FRMPD1: variants seen among roughly 807,000 people sequenced by gnomAD.
FRMPD1 encodes the protein FERM and PDZ domain-containing protein 1.
In FRMPD1, 76 loss-of-function variants were observed where a neutral mutation model predicts 117.8. That is an observed-to-expected ratio of 0.65 (90% confidence interval 0.54 to 0.78). The LOEUF (loss-of-function observed/expected upper bound fraction) is 0.78, where lower values mean the gene tolerates loss of function less well. Among genes scored for constraint, FRMPD1 ranks in the 30% least tolerant of loss-of-function variants. The probability of loss-of-function intolerance (pLI) is 0.00; values close to 1 mark genes in which losing one functional copy is unlikely to be tolerated. For missense variants in FRMPD1, 1,786 were observed against 1,964.5 expected, an observed-to-expected ratio of 0.91 and a Z score of 1.72; for synonymous variants, 783 against 770.4, an observed-to-expected ratio of 1.02 and a Z score of -0.27.
chr9:37,634,776 T>A, the FRMPD1 span, among the ~76,000 whole-genome samples: 31 of 151,352 alleles, frequency 2.0e-4, no homozygotes, highest in African/African-American at 5.8e-4. Flanking sequence ...TTTTTTTTTT[T>A]AAAAAGGGAT....
chr9:37,606,187 T>G, the FRMPD1 span, among the ~76,000 whole-genome samples: 1 of 152,134 alleles, frequency 6.6e-6, no homozygotes, highest in African/African-American at 2.4e-5. Context: ...TAGAGATGGT[T>G]GGATAAGAGA....
the FRMPD1 span, among the ~76,000 whole-genome samples, chr9:37,604,738 T>C: frequency 6.6e-6 from 1 of 152,170 alleles, no homozygotes; most frequent in Non-Finnish European, 1.5e-5. Context: ...GTCCTCAGCA[T>C]TGAAGTGGGC....
chr9:37,713,127 T>A (rs1224494784), intron 5 of FRMPD1, among the ~76,000 whole-genome samples: 5 of 152,170 alleles, frequency 3.3e-5, no homozygotes, highest in Non-Finnish European at 5.9e-5. Context: ...TCATTTGGAT[T>A]TAACAAAGTA....
chr9:37,725,278 G>C lies in FRMPD1; in HGVS notation c.612+958G>C, dbSNP rs575143207. Among the ~76,000 whole-genome samples, 16 of 152,302 alleles carry C rather than the reference G, an allele frequency of 1.1e-4. No homozygotes were observed. In the South Asian group the frequency reaches 2.1e-3, roughly 20 times the overall value. ...TAAATAGTGTTAGAGTGAGGCCGCAGTGAAGAAGCAAAGTTGTTCAAACAG... is the reference window on the plus strand; with the variant it reads ...TAAATAGTGTTAGAGTGAGGCCGCACTGAAGAAGCAAAGTTGTTCAAACAG... On this transcript the variant is annotated intron_variant, in intron 7 of 15. Transcript: ENST00000377765.
At chr9:37,688,593 A>G (rs1822028260) in intron 1 of FRMPD1, among the ~76,000 whole-genome samples, 1 of 152,136 alleles carries the variant, frequency 6.6e-6, no homozygotes. Context: ...TGCCATGAAT[A>G]AAGATTTTTA....
At chr9:37,644,137 G>T in the FRMPD1 span, among the ~76,000 whole-genome samples, 1 of 152,196 alleles carries the variant, frequency 6.6e-6, no homozygotes, top group South Asian at 2.1e-4. Context: ...TGACCCTGAA[G>T]GGATAGTTTG....
intron 5 of FRMPD1, among the ~76,000 whole-genome samples, chr9:37,712,622 C>T (rs1186545701): frequency 2.6e-5 from 4 of 152,226 alleles, no homozygotes; most frequent in Non-Finnish European, 5.9e-5. Flanking sequence ...TCCCAAAGTG[C>T]TGGGATTACA....
At chr9:37,692,149 ATACTT>A (rs1367421386) in intron 1 of FRMPD1, among the ~76,000 whole-genome samples, 3 of 152,238 alleles carry the variant, frequency 2.0e-5, no homozygotes, top group African/African-American at 7.2e-5. Context: ...TGTAAGTGAA[ATACTT>A]ATTCAAAAAT....
At chr9:37,726,382 A>G (rs1018724979) in intron 7 of FRMPD1, among the ~76,000 whole-genome samples, 2 of 152,200 alleles carry the variant, frequency 1.3e-5, no homozygotes, top group Admixed American at 6.5e-5. Context: ...AGGCATTTCT[A>G]TATCACCAAC....
chr9:37,660,476 C>A lies in FRMPD1; in HGVS notation c.-5+9382C>A, dbSNP rs539008332. Among the ~76,000 whole-genome samples, 5 of 152,290 alleles carry A rather than the reference C, an allele frequency of 3.3e-5. No individual in the cohort carries two copies. In the South Asian group the frequency reaches 1.0e-3, roughly 32 times the overall value. Reference sequence around the variant, plus strand: ...TGCACTGGAAGAAGCTCAGGTCTTACAGGGACCTTAAGGACCATCTAGTAA... The same window carrying A: ...TGCACTGGAAGAAGCTCAGGTCTTAAAGGGACCTTAAGGACCATCTAGTAA... On this transcript the variant is annotated intron_variant, in intron 1 of 15. Transcript: ENST00000377765.
intron 1 of FRMPD1, among the ~76,000 whole-genome samples, chr9:37,651,573 C>G (rs1820676874): frequency 6.6e-6 from 1 of 152,262 alleles, no homozygotes; most frequent in Non-Finnish European, 1.5e-5. Context: ...CTCCAGAACT[C>G]ATTGCGTGTG....
At position 37,746,481 on chromosome 9, in the gene FRMPD1, C is replaced by T. The variant is rs1003572950; in HGVS notation, c.4449C>T (p.Pro1483=). The part of the protein sequence containing the change: ...CRHVIRMDQS[P]EEMQGAVRDT... ...ATGTGATCAGAATGGACCAGTCCCC[C>T]GAAGAGATGCAGGGGGCCGTGCGTG... The change falls in exon 16 of 16, where the codon CCC becomes CCT. Residue 1483 remains proline (P), a synonymous_variant. Coordinates refer to ENST00000377765, the MANE Select transcript of FRMPD1 (RefSeq NM_014907.3). 29 of 1,613,590 alleles carry T rather than the reference C, an allele frequency of 1.8e-5. No homozygotes were observed. Among genetic ancestry groups the T allele is most frequent in the South Asian group, 6.6e-5 (6 of 91,092 alleles).
At position 37,744,608 on chromosome 9, in the gene FRMPD1, C is replaced by G; in HGVS notation, c.2576C>G (p.Ser859Cys). Residue 859 changes from serine (S) to cysteine (C), a missense_variant, in exon 16 of 16, where the codon TCC becomes TGC. Transcript: ENST00000377765. ...QVSFPLVPSA[S>C]LESVDDVCYY... ...TCATTTCCCCTGGTGCCATCAGCCT[C>G]CCTGGAGAGTGTAGACGACGTGTGC... 4 of 1,614,060 alleles carry G rather than the reference C, an allele frequency of 2.5e-6. No individual in the cohort carries two copies. Among genetic ancestry groups the G allele is most frequent in the Non-Finnish European group, 3.4e-6 (4 of 1,179,950 alleles).
chr9:37,721,652 T>A (rs1327366327), intron 6 of FRMPD1, among the ~76,000 whole-genome samples: 1 of 152,208 alleles, frequency 6.6e-6, no homozygotes, highest in Non-Finnish European at 1.5e-5. Flanking sequence ...TTCCTGTTAG[T>A]CTATACAATA....
chr9:37,708,330 T>C (rs1390493421), intron 3 of FRMPD1, 69 bp from the exon 4 acceptor site: 3 of 910,418 alleles, frequency 3.3e-6, no homozygotes, highest in Admixed American at 3.7e-5. Flanking sequence ...CATTTAACTG[T>C]GCCGCTATTA....
intron 1 of FRMPD1, among the ~76,000 whole-genome samples, chr9:37,691,313 T>A (rs1313823235): frequency 6.6e-6 from 1 of 152,194 alleles, no homozygotes; most frequent in Non-Finnish European, 1.5e-5. Context: ...CTTATGCTCA[T>A]CCTTGCTTTC....
the FRMPD1 span, among the ~76,000 whole-genome samples, chr9:37,610,595 CTTT>C: frequency 5.8e-5 from 8 of 137,840 alleles, no homozygotes; most frequent in Admixed American, 7.3e-5. Flanking sequence ...CTATCACATT[CTTT>C]TTTTTTTTTT....
the FRMPD1 span, among the ~76,000 whole-genome samples, chr9:37,608,183 C>G: frequency 2.6e-5 from 4 of 152,348 alleles, no homozygotes; most frequent in African/African-American, 9.6e-5. Context: ...GATAAACTGC[C>G]TCATTCTCCA....
intron 1 of FRMPD1, among the ~76,000 whole-genome samples, chr9:37,654,465 C>T (rs1425599851): frequency 6.6e-6 from 1 of 152,176 alleles, no homozygotes; most frequent in Non-Finnish European, 1.5e-5. Flanking sequence ...TGAATACTTG[C>T]CCCTTGGCTA....
Sources: allele counts gnomAD v4.1 joint callset (sites outside exome capture counted in the v4.1 genomes callset), GRCh38; gene constraint gnomAD v4.1.1; transcripts MANE v1.5; gene names NCBI Gene and HGNC (gene_info 2026-07-23, HGNC 2026-07-21).